DEPTOR: variants seen among roughly 807,000 people sequenced by gnomAD.
DEPTOR encodes DEP domain containing MTOR interacting protein.
Under a neutral mutation model 41.6 loss-of-function variants are expected in DEPTOR, and 41 were observed. The ratio of observed to expected loss-of-function variants is 0.98; its 90% CI spans 0.77 to 1.28. DEPTOR has a LOEUF of 1.28. Ranked by LOEUF, DEPTOR falls within the 50% of genes most tolerant of loss-of-function variation. DEPTOR has a pLI of 0.00. For synonymous variants in DEPTOR, 195 were observed against 192.3 expected (o/e 1.01, Z -0.12); for missense variants, 514 against 527.9 (o/e 0.97, Z 0.26).
chr8:119,884,972 T>C (rs1435609725), intron 1 of DEPTOR, among the ~76,000 whole-genome samples: 1 of 152,166 alleles, frequency 6.6e-6, no homozygotes, highest in Non-Finnish European at 1.5e-5. Context: ...GATGAGGTTT[T>C]ACCATGTTGT....
intron 1 of DEPTOR, among the ~76,000 whole-genome samples, chr8:119,876,795 A>G (rs1197125945): frequency 1.3e-5 from 2 of 152,216 alleles, no homozygotes; most frequent in Non-Finnish European, 2.9e-5. Flanking sequence ...ACCTTGGACA[A>G]GTAAATTCAC....
At chr8:119,895,391 G>A (rs948016567) in intron 1 of DEPTOR, among the ~76,000 whole-genome samples, 10 of 152,114 alleles carry the variant, frequency 6.6e-5, no homozygotes, top group Non-Finnish European at 1.2e-4. Context: ...AACTGGGCAC[G>A]CATAAATCCA....
intron 4 of DEPTOR, among the ~76,000 whole-genome samples, chr8:119,988,608 G>A (rs891422794): frequency 3.3e-5 from 5 of 152,006 alleles, no homozygotes; most frequent in East Asian, 1.9e-4. Context: ...TCAGCCTCCC[G>A]AGTAGCTGGG....
intron 3 of DEPTOR, among the ~76,000 whole-genome samples, chr8:119,936,678 AG>A (rs974234550): frequency 5.9e-5 from 9 of 152,178 alleles, no homozygotes; most frequent in African/African-American, 2.2e-4. Context: ...TCCAGTATAG[AG>A]GTGTTTTTCA....
intron 1 of DEPTOR, among the ~76,000 whole-genome samples, chr8:119,885,382 T>G (rs944385490): frequency 5.3e-5 from 8 of 152,200 alleles, no homozygotes; most frequent in Admixed American, 3.9e-4. Context: ...TCTGAGGAAC[T>G]GACAATAATA....
chr8:119,920,514 G>A (rs992173129), intron 1 of DEPTOR, among the ~76,000 whole-genome samples: 2 of 152,150 alleles, frequency 1.3e-5, no homozygotes, highest in African/African-American at 4.8e-5. Context: ...TAAGTCAAAT[G>A]GTTATGAATT....
chr8:120,001,809 G>A (rs967610790), intron 5 of DEPTOR, 99 bp downstream of exon 5: 241 of 1,367,766 alleles, frequency 1.8e-4, no homozygotes, highest in Middle Eastern at 4.3e-4. Flanking sequence ...CTATCAGAGC[G>A]TAGAATTTTT....
At chr8:119,909,851 G>T (rs1375657461) in intron 1 of DEPTOR, among the ~76,000 whole-genome samples, 1 of 152,198 alleles carries the variant, frequency 6.6e-6, no homozygotes, top group Non-Finnish European at 1.5e-5. Context: ...GTATGTAGAG[G>T]TAATTAATAA....
At chr8:120,030,764 G>A (rs2130170415) in intron 8 of DEPTOR, among the ~76,000 whole-genome samples, 1 of 151,790 alleles carries the variant, frequency 6.6e-6, no homozygotes, top group South Asian at 2.1e-4. Flanking sequence ...CTTGTGCTGG[G>A]ATTACCGGTG....
rs377443807 is a variant in DEPTOR at position 119,900,380 on chromosome 8, C to CTTTTTTTTTTTTTTTTTTTTT, written c.122+26416_122+26436dup. Among the ~76,000 whole-genome samples the CTTTTTTTTTTTTTTTTTTTTT allele has an allele frequency of 1.8e-3, 79 of 43,918 alleles. 16 individuals carry two copies. The highest frequency in any genetic ancestry group is 4.1e-3 in the African/African-American group (34 of 8,312). The allele number at this position is 43,918 out of a possible 152,430, so 28.8% of individuals were successfully genotyped here. A position where few individuals can be genotyped will look rare whatever the true frequency, so the allele number is the denominator to read the frequency against. ...TAAATGTCTATTACACACCCCTCAC[C>CTTTTTTTTTTTTTTTTTTTTT]TTTTTTTTTTTTTTTTTTTTTTTTG... is the stretch of plus-strand genomic sequence containing the variant. On this transcript the variant is annotated intron_variant, in intron 1 of 8. Transcript: ENST00000286234.
intron 1 of DEPTOR, among the ~76,000 whole-genome samples, chr8:119,907,141 T>C (rs1037661555): frequency 6.6e-6 from 1 of 152,196 alleles, no homozygotes; most frequent in African/African-American, 2.4e-5. Flanking sequence ...CAAAACTGTT[T>C]TTTTCACATG....
chr8:119,916,713 A>G (rs1314632646), intron 1 of DEPTOR, among the ~76,000 whole-genome samples: 1 of 152,218 alleles, frequency 6.6e-6, no homozygotes, highest in Non-Finnish European at 1.5e-5. Context: ...TTGTTCAGAA[A>G]TTACATTAAG....
chr8:120,003,151 G>C, intron 6 of DEPTOR, 40 bp downstream of exon 6: 1 of 1,596,752 alleles, frequency 6.3e-7, no homozygotes. Context: ...AAGACTGTGG[G>C]GACTTGGGCA....
In DEPTOR at chr8:119,928,543, T is replaced by C; in HGVS notation, c.266T>C (p.Met89Thr). 6.2e-7 allele frequency: 1 copy of C among 1,614,162 alleles called. No homozygotes were observed. The highest frequency in any genetic ancestry group is 8.5e-7 in the Non-Finnish European group (1 of 1,180,000). ...ASDRETAIKL[M>T]QKLADRGIIH... ...GACAGAGAGACGGCAATTAAACTCA[T>C]GCAGAAATTAGCAGACCGGGGCATT... The change falls in exon 2 of 9, where the codon ATG becomes ACG. Residue 89 changes from methionine to threonine, a missense_variant. Met to Thr is a moderately conservative substitution (Grantham distance 81, BLOSUM62 -1). Coordinates refer to ENST00000286234, the MANE Select transcript of DEPTOR (RefSeq NM_022783.4).
chr8:119,882,671 A>C (rs1288502033), intron 1 of DEPTOR, among the ~76,000 whole-genome samples: 1 of 152,116 alleles, frequency 6.6e-6, no homozygotes, highest in African/African-American at 2.4e-5. Flanking sequence ...AGCCTCCCAA[A>C]GTGCTGATAT....
chr8:119,876,505 G>A (rs1827232698), intron 1 of DEPTOR, among the ~76,000 whole-genome samples: 1 of 152,016 alleles, frequency 6.6e-6, no homozygotes. Flanking sequence ...GGGTGTGGTG[G>A]TGCATGCTTG....
chr8:120,009,613 TAAAAC>T (rs372766551), intron 8 of DEPTOR, among the ~76,000 whole-genome samples: 1,803 of 151,676 alleles, frequency 0.012, 38 homozygotes, highest in African/African-American at 0.04. Flanking sequence ...ACTCTGTCTC[TAAAAC>T]AAAACAAAAC....
chr8:120,021,498 A>G (rs757373784), intron 8 of DEPTOR, among the ~76,000 whole-genome samples: 8 of 152,228 alleles, frequency 5.3e-5, no homozygotes, highest in Non-Finnish European at 1.2e-4. Flanking sequence ...CATTTATTAT[A>G]TTGCTTATTT....
rs201890281 is a variant in DEPTOR at position 120,001,584 on chromosome 8, C to G, written c.664C>G (p.Arg222Gly). The change falls in exon 5 of 9, where the codon CGG (arginine) becomes GGG (glycine). Residue 222 changes from arginine (R) to glycine (G), a missense_variant. Transcript: ENST00000286234. ...NLLYQFRMNF[R>G]RRRRLMELLN... ...TCTCTACCAGTTCAGAATGAACTTC[C>G]GGCGGAGGCGAAGACTGATGGAGCT... is the stretch of plus-strand genomic sequence containing the variant. 45 of 1,613,750 alleles carry G rather than the reference C, an allele frequency of 2.8e-5. No individual in the cohort carries two copies. The East Asian group carries it at 9.8e-4, about 35-fold the overall frequency.
Sources: gnomAD v4.1 joint callset for allele counts (sites outside exome capture counted in the v4.1 genomes callset) on GRCh38, gnomAD v4.1.1 for gene constraint, MANE v1.5 for transcripts, NCBI Gene and HGNC (gene_info 2026-07-23, HGNC 2026-07-21) for gene names.